Variants in FRYL observed in about 807,000 individuals in gnomAD.
FRYL encodes protein furry homolog-like.
In FRYL, 150 loss-of-function variants were observed where a neutral mutation model predicts 351.2. The observed-to-expected ratio is 0.43, with a 90% CI of 0.37 to 0.49. FRYL has a LOEUF of 0.49. Among genes scored for constraint, FRYL ranks in the 20% least tolerant of loss-of-function variants. FRYL has a pLI of 0.00. For synonymous variants in FRYL, 1,153 were observed against 1,257.1 expected (o/e 0.92, Z 1.75); for missense variants, 3,036 against 3,619.3 (o/e 0.84, Z 4.13).
chr4:48,515,954 G>A (rs899794748), intron 55 of FRYL, among the ~76,000 whole-genome samples: 5 of 151,970 alleles, frequency 3.3e-5, no homozygotes, highest in African/African-American at 1.2e-4. Flanking sequence ...AGTATATTCC[G>A]GATATAAGTA....
At chr4:48,736,565 A>G (rs1043832740) in intron 1 of FRYL, among the ~76,000 whole-genome samples, 24 of 152,086 alleles carry the variant, frequency 1.6e-4, no homozygotes, top group African/African-American at 5.1e-4. Context: ...AATACTATAA[A>G]CAGGCCGGGT....
intron 31 of FRYL, among the ~76,000 whole-genome samples, chr4:48,563,746 G>C (rs1351299749): frequency 6.6e-6 from 1 of 151,236 alleles, no homozygotes; most frequent in Non-Finnish European, 1.5e-5. Context: ...GATTTGCATA[G>C]AGTAAATACA....
intron 35 of FRYL, among the ~76,000 whole-genome samples, chr4:48,556,053 C>A (rs1349297673): frequency 6.6e-6 from 1 of 152,176 alleles, no homozygotes; most frequent in Non-Finnish European, 1.5e-5. Context: ...CGCCACCACA[C>A]CCGGCTAATT....
At chr4:48,740,943 C>T (rs537501114) in intron 1 of FRYL, among the ~76,000 whole-genome samples, 1 of 151,932 alleles carries the variant, frequency 6.6e-6, no homozygotes, top group East Asian at 1.9e-4. Flanking sequence ...ACACAAAAGC[C>T]TACATATGGA....
chr4:48,586,102 T>C (rs1179052954), intron 19 of FRYL, among the ~76,000 whole-genome samples: 2 of 152,168 alleles, frequency 1.3e-5, no homozygotes, highest in Non-Finnish European at 2.9e-5. Context: ...TAGGAGCTAG[T>C]ATTTAAGTTT....
Position 48,581,538 on chromosome 4 carries a change from T to C in FRYL, c.2054A>G (p.His685Arg), listed in dbSNP as rs1740901167. 7.4e-6 allele frequency: 12 copies of C among 1,613,752 alleles called. No individual in the cohort carries two copies. The highest frequency in any genetic ancestry group is 1.0e-5 in the Non-Finnish European group (12 of 1,179,856). Reference protein sequence around the residue: ...LERSPYSNVFHVVEGFALVIL... With the variant: ...LERSPYSNVFRVVEGFALVIL... ...GACAAGCGCAAAGCCTTCAACCACA[T>C]GGAATACATTGGAATATGGGCTCCT... The change falls in exon 21 of 64, where the codon CAT becomes CGT. Residue 685 changes from histidine (H) to arginine (R), a missense_variant. Physicochemically the swap from His to Arg is conservative, Grantham distance 29. Around this residue, in one of 7 missense-constraint regions of FRYL, gnomAD observed 492 missense variants for 551.5 expected, o/e 0.89. Coordinates refer to ENST00000358350, the MANE Select transcript of FRYL (RefSeq NM_015030.2).
intron 1 of FRYL, among the ~76,000 whole-genome samples, chr4:48,739,340 G>A (rs1466735245): frequency 7.0e-6 from 1 of 142,496 alleles, no homozygotes; most frequent in Admixed American, 7.6e-5. Flanking sequence ...GGAGGAGGCA[G>A]AAGTGAGCCA....
intron 1 of FRYL, among the ~76,000 whole-genome samples, chr4:48,750,652 T>C (rs1281702811): frequency 1.3e-5 from 2 of 152,024 alleles, no homozygotes; most frequent in African/African-American, 2.4e-5. Flanking sequence ...ACGAACTGAA[T>C]GTGGGATGTG....
intron 53 of FRYL, among the ~76,000 whole-genome samples, chr4:48,526,565 C>T (rs1435390882): frequency 6.6e-6 from 1 of 152,182 alleles, no homozygotes; most frequent in Non-Finnish European, 1.5e-5. Flanking sequence ...CTCCTTCAAA[C>T]ACTGCTGTGT....
chr4:48,752,366 C>T (rs1489199034), intron 1 of FRYL, among the ~76,000 whole-genome samples: 2 of 37,950 alleles, frequency 5.3e-5, no homozygotes, highest in East Asian at 8.7e-4. Flanking sequence ...ATCTTGACTC[C>T]GGATCTGCCC....
At chr4:48,539,441 C>T (rs1008003017) in intron 47 of FRYL, among the ~76,000 whole-genome samples, 2 of 152,146 alleles carry the variant, frequency 1.3e-5, no homozygotes, top group African/African-American at 4.8e-5. Flanking sequence ...ATCCATTCTT[C>T]GATAGTGATC....
intron 1 of FRYL, among the ~76,000 whole-genome samples, chr4:48,724,341 T>C (rs1394551775): frequency 6.6e-6 from 1 of 152,092 alleles, no homozygotes; most frequent in Non-Finnish European, 1.5e-5. Context: ...GTTGGGCCTG[T>C]GTGCTTGCTA....
chr4:48,764,459 A>T (rs914747837), intron 1 of FRYL, among the ~76,000 whole-genome samples: 5 of 151,692 alleles, frequency 3.3e-5, no homozygotes, highest in African/African-American at 1.2e-4. Context: ...TGAGCCCAGG[A>T]GGTCAAGGCT....
At chr4:48,644,696 CAAAA>C (rs1756040913) in intron 3 of FRYL, among the ~76,000 whole-genome samples, 1 of 151,704 alleles carries the variant, frequency 6.6e-6, no homozygotes, top group Non-Finnish European at 1.5e-5. Context: ...AACAAACAAA[CAAAA>C]ACCAATGTCC....
Position 48,543,823 on chromosome 4 carries a change from G to A in FRYL, c.5576C>T (p.Pro1859Leu). The change falls in exon 44 of 64, where the codon CCA becomes CTA. Residue 1859 changes from proline (P) to leucine (L), a missense_variant. Around this residue, in one of 7 missense-constraint regions of FRYL, gnomAD observed 1,987 missense variants for 2,311.7 expected, o/e 0.86. Coordinates refer to ENST00000358350, the MANE Select transcript of FRYL (RefSeq NM_015030.2). The stretch of plus-strand genomic sequence containing the variant: ...AGGAAATACCTGTGCATCTTCTCCT[G>A]GATCCCCTACAGTTTCTACAAGTCT... ...LSRLVETVGD[P>L]GEDAQGFVIE... The A allele has an allele frequency of 6.2e-7, 1 of 1,613,272 alleles. No homozygotes were observed. The highest frequency in any genetic ancestry group is 8.5e-7 in the Non-Finnish European group (1 of 1,179,558).
chr4:48,604,230 A>G (rs1051569262), intron 11 of FRYL, among the ~76,000 whole-genome samples: 3 of 152,218 alleles, frequency 2.0e-5, no homozygotes, highest in African/African-American at 7.2e-5. Context: ...TAAGTAAATG[A>G]GTAAAGAAAG....
Position 48,590,817 on chromosome 4 carries a change from C to A in FRYL, c.1349G>T (p.Gly450Val). The change falls in exon 17 of 64, where the codon GGT becomes GTT. Residue 450 changes from glycine to valine, a missense_variant. This residue lies in a region of FRYL where 457 missense variants were observed against 566.6 expected (regional missense o/e 0.81). Coordinates refer to ENST00000358350, the MANE Select transcript of FRYL (RefSeq NM_015030.2). ...TGCTATTACAAGGAAGACTCTGAGA[C>A]CTATGTTCATTCTCTTCAAAGGAAA... ...FTINPERMNIGLRVFLVIADS... is the reference protein window; with the variant it reads ...FTINPERMNIVLRVFLVIADS... 2 of 1,608,252 alleles carry A rather than the reference C, an allele frequency of 1.2e-6. No homozygotes were observed. The highest frequency in any genetic ancestry group is 8.5e-7 in the Non-Finnish European group (1 of 1,178,484).
chr4:48,597,210 A>G (rs1452751194), intron 13 of FRYL, among the ~76,000 whole-genome samples: 2 of 152,192 alleles, frequency 1.3e-5, no homozygotes, highest in Admixed American at 6.6e-5. Flanking sequence ...ATTTAAATAT[A>G]AGATATCAGA....
chr4:48,686,744 C>CTAATG, intron 2 of FRYL, among the ~76,000 whole-genome samples: 1 of 152,368 alleles, frequency 6.6e-6, no homozygotes, highest in South Asian at 2.1e-4. Flanking sequence ...CAGTCTTGCG[C>CTAATG]TCAGACATAG....
Sources: gnomAD v4.1 joint callset for allele counts (sites outside exome capture counted in the v4.1 genomes callset) on GRCh38, gnomAD v4.1.1 for gene constraint, gnomAD v4.1.1 regional missense constraint, MANE v1.5 for transcripts, NCBI Gene and HGNC (gene_info 2026-07-23, HGNC 2026-07-21) for gene names.